CAPZA2: variants seen among roughly 807,000 people sequenced by gnomAD.
The protein encoded by CAPZA2 is F-actin-capping protein subunit alpha-2.
A neutral mutation model predicts 44.0 loss-of-function variants in CAPZA2; 13 were observed. The observed-to-expected ratio is 0.30, with a 90% CI of 0.19 to 0.47. The LOEUF (loss-of-function observed/expected upper bound fraction) is 0.47. Among genes scored for constraint, CAPZA2 ranks in the 20% least tolerant of loss-of-function variants. CAPZA2 has a pLI of 1.00. For synonymous variants in CAPZA2, 94 were observed against 108.2 expected, an observed-to-expected ratio of 0.87 and a Z score of 0.81; for missense variants, 244 against 338.6, an observed-to-expected ratio of 0.72 and a Z score of 2.19.
chr7:116,912,267 G>A, intron 8 of CAPZA2, 127 bp downstream of exon 8: 1 of 1,410,028 alleles, frequency 7.1e-7, no homozygotes, highest in Non-Finnish European at 9.4e-7. Flanking sequence ...TTAAAGATAA[G>A]TAATTGCAAA....
At chr7:116,904,680 G>C in intron 5 of CAPZA2, 1 of 230,886 alleles carries the variant, frequency 4.3e-6, no homozygotes, top group Non-Finnish European at 8.3e-6. Context: ...TTCATGACTC[G>C]TCTCAGTTTA....
intron 1 of CAPZA2, among the ~76,000 whole-genome samples, chr7:116,886,629 G>T (rs906556502): frequency 6.6e-6 from 1 of 152,226 alleles, no homozygotes; most frequent in African/African-American, 2.4e-5. Flanking sequence ...CATACAGTGA[G>T]TACTTGAATG....
intron 9 of CAPZA2, among the ~76,000 whole-genome samples, chr7:116,917,111 AAAT>A (rs1176613452): frequency 6.6e-6 from 1 of 152,198 alleles, no homozygotes; most frequent in Non-Finnish European, 1.5e-5. Flanking sequence ...TACTCCTTAA[AAAT>A]AATAATCTAT....
intron 1 of CAPZA2, among the ~76,000 whole-genome samples, chr7:116,881,583 C>CA (rs944730438): frequency 1.8e-4 from 27 of 151,462 alleles, no homozygotes; most frequent in Non-Finnish European, 3.4e-4. Flanking sequence ...ACTAAAAATA[C>CA]AAAAAATTAG....
chr7:116,904,443 T>C, intron 5 of CAPZA2, 60 bp downstream of exon 5: 1 of 986,652 alleles, frequency 1.0e-6, no homozygotes, highest in Non-Finnish European at 1.6e-6. Context: ...CTTTAGCGTC[T>C]CTTAAAATTT....
chr7:116,870,353 G>A (rs1019866539), intron 1 of CAPZA2, among the ~76,000 whole-genome samples: 8 of 152,222 alleles, frequency 5.3e-5, no homozygotes, highest in African/African-American at 1.9e-4. Context: ...TAACAGGAAA[G>A]TGGGAACAAG....
intron 2 of CAPZA2, among the ~76,000 whole-genome samples, chr7:116,891,295 A>T (rs577135374): frequency 7.9e-5 from 12 of 152,208 alleles, no homozygotes; most frequent in Non-Finnish European, 1.5e-4. Flanking sequence ...TGGAATAGGC[A>T]TACTGTCCAT....
intron 3 of CAPZA2, 102 bp downstream of exon 3, chr7:116,893,147 T>C: frequency 1.4e-6 from 1 of 706,734 alleles, no homozygotes; most frequent in Non-Finnish European, 2.3e-6. Context: ...TTGTTTTGTT[T>C]TGAGATGGAG....
chr7:116,910,167 T>C, intron 6 of CAPZA2, 66 bp from the exon 7 acceptor site: 1 of 877,578 alleles, frequency 1.1e-6, no homozygotes, highest in Non-Finnish European at 1.9e-6. Context: ...AAATATAATC[T>C]GAAACTTAAA....
intron 1 of CAPZA2, among the ~76,000 whole-genome samples, chr7:116,870,882 C>A (rs373744418): frequency 7.2e-5 from 11 of 152,140 alleles, no homozygotes; most frequent in Admixed American, 4.6e-4. Flanking sequence ...GGAATTGGTA[C>A]CACTAGTAAC....
At chr7:116,898,665 G>T in intron 3 of CAPZA2, 107 bp from the exon 4 acceptor site, 1 of 586,758 alleles carries the variant, frequency 1.7e-6, no homozygotes, top group Non-Finnish European at 2.9e-6. Flanking sequence ...TTATTTTGCA[G>T]TGTGCAATGT....
chr7:116,894,692 T>A (rs907765038), intron 3 of CAPZA2, among the ~76,000 whole-genome samples: 3 of 152,200 alleles, frequency 2.0e-5, no homozygotes, highest in African/African-American at 4.8e-5. Flanking sequence ...CAGGCAACCA[T>A]TATTCAACTA....
At chr7:116,915,366 TGAGAGATGGTCATA>T (rs996059444) in intron 8 of CAPZA2, 4 of 152,142 alleles carry the variant, frequency 2.6e-5, no homozygotes, top group Non-Finnish European at 5.9e-5. Context: ...GGTACGGTTT[TGAGAGATGGTCATA>T]GTAATTAAAC....
rs529306104 is a variant in CAPZA2 at position 116,898,265 on chromosome 7, CTT to C, written c.156-495_156-494del. Among the ~76,000 whole-genome samples, 321 of 145,358 alleles carry C rather than the reference CTT, an allele frequency of 2.2e-3. 1 individual carries two copies. Among genetic ancestry groups the C allele is most frequent in the African/African-American group, 7.6e-3 (303 of 40,090 alleles). Reference sequence around the variant, plus strand: ...CACTGTTGCCTCAACAGAATGTAATCTTTTTTTTTTTTTAAGCATTCTTTGCA... The same window carrying C: ...CACTGTTGCCTCAACAGAATGTAATCTTTTTTTTTTTAAGCATTCTTTGCA... On this transcript the variant is annotated intron_variant, in intron 3 of 9. Coordinates refer to ENST00000361183, the MANE Select transcript of CAPZA2 (RefSeq NM_006136.3).
intron 4 of CAPZA2, 37 bp downstream of exon 4, chr7:116,898,872 A>G (rs1796959556): frequency 7.9e-7 from 1 of 1,269,320 alleles, no homozygotes; most frequent in South Asian, 1.3e-5. Context: ...TGTTTTGTTT[A>G]TAACCGTTAA....
At chr7:116,885,756 A>G (rs1796754220) in intron 1 of CAPZA2, among the ~76,000 whole-genome samples, 1 of 152,170 alleles carries the variant, frequency 6.6e-6, no homozygotes, top group Non-Finnish European at 1.5e-5. Flanking sequence ...GGAGGGGATC[A>G]GAGCCTCCAT....
chr7:116,906,625 A>G, intron 6 of CAPZA2: 1 of 302,094 alleles, frequency 3.3e-6, no homozygotes, highest in Non-Finnish European at 5.9e-6. Flanking sequence ...GGCAATCCAT[A>G]TGCTCATTCT....
At chr7:116,867,512 G>A (rs923173245) in intron 1 of CAPZA2, among the ~76,000 whole-genome samples, 6 of 151,208 alleles carry the variant, frequency 4.0e-5, no homozygotes, top group Admixed American at 2.0e-4. Context: ...TTTTCAATAC[G>A]TATTGTTACT....
intron 2 of CAPZA2, among the ~76,000 whole-genome samples, chr7:116,890,521 A>G (rs1796818334): frequency 2.1e-5 from 1 of 47,324 alleles, no homozygotes; most frequent in Non-Finnish European, 3.5e-5. Flanking sequence ...AAAAAAAAAA[A>G]AAAAATATAT....
Sources: gnomAD v4.1 joint callset for allele counts (sites outside exome capture counted in the v4.1 genomes callset) on GRCh38, gnomAD v4.1.1 for gene constraint, MANE v1.5 for transcripts, NCBI Gene and HGNC (gene_info 2026-07-23, HGNC 2026-07-21) for gene names.